PTPRM: variants seen among roughly 807,000 people sequenced by gnomAD.
PTPRM encodes the protein protein tyrosine phosphatase receptor type M, also known as receptor-type tyrosine-protein phosphatase mu.
PTPRM carries 47 observed loss-of-function variants against 186.7 expected under a neutral mutation model. The observed-to-expected ratio is 0.25, with a 90% confidence interval of 0.20 to 0.32. The LOEUF (loss-of-function observed/expected upper bound fraction) is 0.32, where lower values mean the gene tolerates loss of function less well. Among genes scored for constraint, PTPRM ranks in the 10% least tolerant of loss-of-function variants. The pLI is 1.00. For missense variants in PTPRM, 1,494 were observed against 1,865.0 expected (o/e 0.80, Z 3.66); for synonymous variants, 668 against 674.9 (o/e 0.99, Z 0.16).
At chr18:7,729,947 T>C (rs1473338292) in intron 1 of PTPRM, among the ~76,000 whole-genome samples, 1 of 152,176 alleles carries the variant, frequency 6.6e-6, no homozygotes, top group African/African-American at 2.4e-5. Context: ...ACATGTACTT[T>C]CAGGCTTATA....
intron 14 of PTPRM, among the ~76,000 whole-genome samples, chr18:8,199,441 C>T (rs1034842827): frequency 2.0e-5 from 3 of 152,116 alleles, no homozygotes; most frequent in African/African-American, 2.4e-5. Context: ...AAGGATAGTG[C>T]GCTGTGTCTG....
chr18:7,575,765 G>T (rs918125162), intron 1 of PTPRM, among the ~76,000 whole-genome samples: 4 of 152,156 alleles, frequency 2.6e-5, no homozygotes, highest in Non-Finnish European at 5.9e-5. Flanking sequence ...CTTTTCTTAC[G>T]TCTGCAAGGA....
intron 31 of PTPRM, among the ~76,000 whole-genome samples, chr18:8,393,900 T>C (rs1466744314): frequency 2.6e-5 from 4 of 152,150 alleles, no homozygotes; most frequent in Non-Finnish European, 4.4e-5. Flanking sequence ...GCCATTCTCC[T>C]GCCTCAGCCT....
intron 7 of PTPRM, among the ~76,000 whole-genome samples, 153 bp from the exon 8 acceptor site, chr18:8,069,533 C>T (rs2089326480): frequency 6.6e-6 from 1 of 152,198 alleles, no homozygotes; most frequent in Admixed American, 6.5e-5. Flanking sequence ...TCTGGGTAGC[C>T]AAATGCCTAG....
intron 14 of PTPRM, among the ~76,000 whole-genome samples, chr18:8,148,242 C>A (rs541520995): frequency 2.6e-5 from 4 of 152,046 alleles, no homozygotes; most frequent in East Asian, 1.9e-4. Context: ...CCTCTTTGTA[C>A]CTCTGGTAAA....
At chr18:8,175,042 A>C (rs924211610) in intron 14 of PTPRM, among the ~76,000 whole-genome samples, 1 of 152,150 alleles carries the variant, frequency 6.6e-6, no homozygotes, top group Non-Finnish European at 1.5e-5. Context: ...TCACAAATAG[A>C]GTCTGTTCCA....
At chr18:8,375,300 A>G (rs1458415820) in intron 24 of PTPRM, among the ~76,000 whole-genome samples, 1 of 152,224 alleles carries the variant, frequency 6.6e-6, no homozygotes, top group Admixed American at 6.5e-5. Context: ...GTATTGGCTT[A>G]CATGCCTGTT....
intron 5 of PTPRM, among the ~76,000 whole-genome samples, chr18:7,930,048 A>G (rs8088882): frequency 0.088 from 13,430 of 152,152 alleles, 620 homozygotes; most frequent in South Asian, 0.16. Context: ...TTGGGGGTAC[A>G]TTGGTGTTTT....
intron 7 of PTPRM, among the ~76,000 whole-genome samples, chr18:8,054,702 G>A (rs2148298790): frequency 6.6e-6 from 1 of 151,982 alleles, no homozygotes; most frequent in East Asian, 1.9e-4. Flanking sequence ...AGACAGTATT[G>A]TTATTTTACA....
intron 21 of PTPRM, among the ~76,000 whole-genome samples, chr18:8,315,368 G>T (rs908432691): frequency 2.6e-5 from 4 of 152,170 alleles, no homozygotes; most frequent in African/African-American, 9.7e-5. Flanking sequence ...CTGTTCACCA[G>T]GACTTCTAAT....
chr18:7,926,542 A>C, intron 4 of PTPRM, 26 bp from the exon 5 acceptor site: 1 of 1,523,422 alleles, frequency 6.6e-7, no homozygotes, highest in Non-Finnish European at 9.0e-7. Context: ...CACTTTTAAT[A>C]TCTTTCATTC....
intron 1 of PTPRM, among the ~76,000 whole-genome samples, chr18:7,659,783 G>A (rs1200252037): frequency 6.6e-6 from 1 of 152,198 alleles, no homozygotes; most frequent in Non-Finnish European, 1.5e-5. Flanking sequence ...GTGTCAATGG[G>A]TTGATGGGAA....
chr18:7,752,225 G>A (rs1356973545), intron 1 of PTPRM, among the ~76,000 whole-genome samples: 1 of 152,112 alleles, frequency 6.6e-6, no homozygotes, highest in Non-Finnish European at 1.5e-5. Flanking sequence ...AAACCAAGTT[G>A]AATTCTGCTA....
chr18:8,095,465 G>C (rs1365716077), intron 11 of PTPRM, among the ~76,000 whole-genome samples: 3 of 152,142 alleles, frequency 2.0e-5, no homozygotes, highest in Admixed American at 1.3e-4. Flanking sequence ...AGAGAGAGGG[G>C]TGGGATGGGA....
chr18:7,801,397 A>G lies in PTPRM; in HGVS notation c.196+27126A>G, dbSNP rs376965412. On this transcript the variant is annotated intron_variant, in intron 2 of 32. Transcript: ENST00000580170. ...GGTCACTGATATATCACTGTCTTCA[A>G]CCTCCACATCTTGTCCCACTCACTG... Among the ~76,000 whole-genome samples the G allele has an allele frequency of 8.7e-4, 132 of 152,178 alleles. 1 individual carries two copies. Among genetic ancestry groups the G allele is most frequent in the African/African-American group, 2.9e-3 (121 of 41,530 alleles).
chr18:8,306,298 C>A (rs541934044), intron 20 of PTPRM, among the ~76,000 whole-genome samples: 1 of 152,260 alleles, frequency 6.6e-6, no homozygotes, highest in African/African-American at 2.4e-5. Flanking sequence ...AGGAAAGTAG[C>A]CCCTTGTCAC....
chr18:8,201,381 A>G (rs1276545118), intron 14 of PTPRM, among the ~76,000 whole-genome samples: 3 of 152,194 alleles, frequency 2.0e-5, no homozygotes, highest in African/African-American at 7.2e-5. Flanking sequence ...TATATTAATG[A>G]TTGTTTCTTT....
At chr18:7,577,112 A>G (rs2036707764) in intron 1 of PTPRM, among the ~76,000 whole-genome samples, 1 of 152,094 alleles carries the variant, frequency 6.6e-6, no homozygotes, top group Non-Finnish European at 1.5e-5. Context: ...ATCAAGTTTG[A>G]CTTAGGTATC....
intron 7 of PTPRM, among the ~76,000 whole-genome samples, chr18:8,063,002 G>C (rs376870785): frequency 2.0e-5 from 3 of 150,478 alleles, no homozygotes; most frequent in Admixed American, 6.6e-5. Flanking sequence ...CGAGCTTCCC[G>C]GCTGCTTTGT....
Sources: gnomAD v4.1 joint callset for allele counts (sites outside exome capture counted in the v4.1 genomes callset) on GRCh38, gnomAD v4.1.1 for gene constraint, MANE v1.5 for transcripts, NCBI Gene and HGNC (gene_info 2026-07-23, HGNC 2026-07-21) for gene names.